Variants in EXD3 observed in about 807,000 individuals in gnomAD.
EXD3 encodes the protein exonuclease 3'-5' domain containing 3, also known as exonuclease mut-7 homolog.
EXD3 carries 92 observed loss-of-function variants against 98.0 expected under a neutral mutation model. That is an observed-to-expected ratio of 0.94 (90% CI 0.79 to 1.12). The LOEUF (loss-of-function observed/expected upper bound fraction) is 1.12. Ranked by LOEUF, EXD3 falls within the 50% of genes most tolerant of loss-of-function variation. The pLI, the probability that EXD3 is intolerant of heterozygous loss-of-function variation, is 0.00. For missense variants in EXD3, 1,222 were observed against 1,191.6 expected (o/e 1.03, Z -0.38); for synonymous variants, 569 against 526.0 (o/e 1.08, Z -1.12).
intron 17 of EXD3, among the ~76,000 whole-genome samples, chr9:137,336,582 TG>T (rs992553454): frequency 6.8e-6 from 1 of 146,738 alleles, no homozygotes; most frequent in African/African-American, 2.5e-5. Context: ...TGCTTGAACC[TG>T]GGAGGCGGAG....
Position 137,406,308 on chromosome 9 carries a change from GAAAAGA to G in EXD3, c.-47-10910_-47-10905del, listed in dbSNP as rs376543864. Among the ~76,000 whole-genome samples the G allele has an allele frequency of 2.4e-3, 367 of 150,136 alleles. 4 individuals carry two copies. The highest frequency in any genetic ancestry group is 8.4e-3 in the African/African-American group (346 of 40,990). On this transcript the variant is annotated intron_variant, in intron 1 of 21. Coordinates refer to ENST00000340951, the MANE Select transcript of EXD3 (RefSeq NM_017820.5). ...GGAAAAAGGAAAAAAAAAAGAAAAA[GAAAAGA>G]AAAAGAAAAAGAAAAGAAAGAAAAA...
intron 9 of EXD3, 121 bp from the exon 10 acceptor site, chr9:137,354,498 C>T (rs889964734): frequency 9.5e-5 from 147 of 1,548,480 alleles, no homozygotes; most frequent in Middle Eastern, 1.7e-4. Context: ...GGTGCTCACC[C>T]GCCCTGGTGC....
Position 137,323,730 on chromosome 9 carries a change from A to C in EXD3, c.2179T>G (p.Cys727Gly). ...ACGGGGTGCGCAGGACCCACCTGGCAGCGGCTGAAGATGTCTGCGTGGGTG... is the reference window on the plus strand; with the variant it reads ...ACGGGGTGCGCAGGACCCACCTGGCCGCGGCTGAAGATGTCTGCGTGGGTG... ...RVTHADIFSR[C>G]QACNCDQYLK... is the part of the protein sequence containing the mutation. Residue 727 changes from cysteine to glycine, a missense_variant, in exon 19 of 22, where the codon TGC becomes GGC. Coordinates refer to ENST00000340951, the MANE Select transcript of EXD3 (RefSeq NM_017820.5). 1 of 1,612,098 alleles carries C rather than the reference A, an allele frequency of 6.2e-7. No individual in the cohort carries two copies. The highest frequency in any genetic ancestry group is 8.5e-7 in the Non-Finnish European group (1 of 1,179,580).
chr9:137,417,734 C>T (rs1838304365), intron 1 of EXD3, among the ~76,000 whole-genome samples: 1 of 152,120 alleles, frequency 6.6e-6, no homozygotes, highest in African/African-American at 2.4e-5. Flanking sequence ...ACCGACACCA[C>T]GTGTGCGCCC....
intron 7 of EXD3, chr9:137,365,942 C>T (rs796442330): frequency 8.5e-5 from 39 of 458,128 alleles, no homozygotes; most frequent in South Asian, 4.3e-4. Flanking sequence ...CACACACAAA[C>T]GTGCACACAC....
chr9:137,417,174 G>A (rs545152516), intron 1 of EXD3, among the ~76,000 whole-genome samples: 5 of 152,320 alleles, frequency 3.3e-5, no homozygotes, highest in African/African-American at 1.2e-4. Flanking sequence ...CGGGGGAGAA[G>A]TCAGGTGGGC....
At chr9:137,310,306 C>A (rs1472118912) in intron 19 of EXD3, among the ~76,000 whole-genome samples, 1 of 152,208 alleles carries the variant, frequency 6.6e-6, no homozygotes, top group Non-Finnish European at 1.5e-5. Context: ...TGTAGTGGCG[C>A]AATCACAGCT....
At chr9:137,417,866 C>T (rs1352799244) in intron 1 of EXD3, among the ~76,000 whole-genome samples, 1 of 152,080 alleles carries the variant, frequency 6.6e-6, no homozygotes, top group Non-Finnish European at 1.5e-5. Flanking sequence ...GAGGAAAGGA[C>T]AGAGCCTGAG....
intron 7 of EXD3, among the ~76,000 whole-genome samples, chr9:137,362,480 A>C (rs1835035756): frequency 6.6e-6 from 1 of 152,104 alleles, no homozygotes; most frequent in Non-Finnish European, 1.5e-5. Flanking sequence ...ATTCTAAACA[A>C]ACTAAGCATA....
rs560849819 is a variant in EXD3, at chr9:137,403,131, A to G, written c.-47-7727T>C. Among the ~76,000 whole-genome samples, 10 of 152,094 alleles carry G rather than the reference A, an allele frequency of 6.6e-5. No individual in the cohort carries two copies. The highest frequency in any genetic ancestry group is 2.6e-4 in the Admixed American group (4 of 15,272). On this transcript the variant is annotated intron_variant, in intron 1 of 21. Coordinates refer to ENST00000340951, the MANE Select transcript of EXD3 (RefSeq NM_017820.5). The surrounding 1 kb of genome is among the most constrained non-coding windows in gnomAD (Gnocchi z 6.1). ...TGGCTCGGCTTGGCTCATTTCCTGC[A>G]GGATCCCCGGCGCTGACCCCTCTCC...
At chr9:137,391,587 G>A (rs1554733131) in intron 2 of EXD3, among the ~76,000 whole-genome samples, 1 of 139,944 alleles carries the variant, frequency 7.1e-6, no homozygotes, top group Non-Finnish European at 1.6e-5. Flanking sequence ...CCGCCCGCCG[G>A]CCCTGGTGAT....
rs368652711 is a variant in EXD3 at position 137,319,683 on chromosome 9, G to A, written c.2184+4042C>T. 2.1e-4 allele frequency among the ~76,000 whole-genome samples: 32 copies of A among 152,334 alleles called. No individual in the cohort carries two copies. In the East Asian group the frequency reaches 3.5e-3, roughly 17 times the overall value. ...GGGTGCGCACATGGGACCCTGGGCT[G>A]TGGGCATTGGGCCACCACCCGGCTG... On this transcript the variant is annotated intron_variant, in intron 19 of 21. Coordinates refer to ENST00000340951, the MANE Select transcript of EXD3 (RefSeq NM_017820.5).
chr9:137,412,347 G>A (rs1485778898), intron 1 of EXD3, among the ~76,000 whole-genome samples: 1 of 152,220 alleles, frequency 6.6e-6, no homozygotes, highest in East Asian at 1.9e-4. Flanking sequence ...TATATCGACT[G>A]CATGTGGAAA....
At chr9:137,321,027 C>T (rs1317249653) in intron 19 of EXD3, among the ~76,000 whole-genome samples, 1 of 152,184 alleles carries the variant, frequency 6.6e-6, no homozygotes, top group Non-Finnish European at 1.5e-5. Context: ...GGCCGCGGTC[C>T]CCGCAGGGCA....
Position 137,385,535 on chromosome 9 carries a change from TTTAAG to T in EXD3, c.56-2163_56-2159del, listed in dbSNP as rs769360440. ...AACAAAAGAGACTTTTATTTTGTTA[TTTAAG>T]TTAATATTTTATTTAGAGACGGAGT... On this transcript the variant is annotated intron_variant, in intron 2 of 21. Coordinates refer to ENST00000340951, the MANE Select transcript of EXD3 (RefSeq NM_017820.5). The surrounding 1 kb of genome is among the most constrained non-coding windows in gnomAD (Gnocchi z 4.4). Among the ~76,000 whole-genome samples the T allele has an allele frequency of 3.3e-5, 5 of 152,298 alleles. No individual in the cohort carries two copies. In the East Asian group the frequency reaches 9.6e-4, roughly 29 times the overall value.
intron 1 of EXD3, among the ~76,000 whole-genome samples, chr9:137,410,927 G>A (rs1009390995): frequency 6.6e-6 from 1 of 152,018 alleles, no homozygotes; most frequent in African/African-American, 2.4e-5. Context: ...ACAGAGCCTG[G>A]CAGACCCCCC....
In EXD3 at chr9:137,309,711, G is replaced by A; in HGVS notation, c.2185-11C>T. 1 of 1,549,516 alleles carries A rather than the reference G, an allele frequency of 6.5e-7. No individual in the cohort carries two copies. Among genetic ancestry groups the A allele is most frequent in the Non-Finnish European group, 8.7e-7 (1 of 1,146,214 alleles). On this transcript the variant is annotated splice_polypyrimidine_tract_variant and intron_variant, in intron 19 of 21. Coordinates refer to ENST00000340951, the MANE Select transcript of EXD3 (RefSeq NM_017820.5). The stretch of plus-strand genomic sequence containing the variant: ...GTCACAGTTACAGGCCTGGGGGCCA[G>A]AGGGGGTGCTGAGGCCCAGGCGGGG...
intron 3 of EXD3, among the ~76,000 whole-genome samples, chr9:137,379,156 G>A (rs1416635409): frequency 3.3e-4 from 27 of 82,460 alleles, no homozygotes; most frequent in African/African-American, 4.6e-4. Flanking sequence ...TGTGGGTGAC[G>A]GTGACCGTTG....
intron 17 of EXD3, among the ~76,000 whole-genome samples, chr9:137,327,211 G>A (rs1832462617): frequency 6.6e-6 from 1 of 150,768 alleles, no homozygotes; most frequent in Non-Finnish European, 1.5e-5. Flanking sequence ...TTGGCTCACT[G>A]CAAGTTCTGC....
Sources: allele counts gnomAD v4.1 joint callset (sites outside exome capture counted in the v4.1 genomes callset), GRCh38; gene constraint gnomAD v4.1.1; non-coding constraint Gnocchi (gnomAD v3.1); transcripts MANE v1.5; gene names NCBI Gene and HGNC (gene_info 2026-07-23, HGNC 2026-07-21).